Variants in RNGTT observed in about 807,000 individuals in gnomAD.
RNGTT encodes the protein RNA guanylyltransferase and 5'-phosphatase.
RNGTT carries 33 observed loss-of-function variants against 79.3 expected under a neutral mutation model. The ratio of observed to expected loss-of-function variants is 0.42; its 90% confidence interval spans 0.32 to 0.56. The LOEUF (loss-of-function observed/expected upper bound fraction) is 0.56. RNGTT is among the 20% of genes least tolerant of loss of function. The pLI, the probability that RNGTT is intolerant of heterozygous loss-of-function variation, is 0.17. For missense variants in RNGTT, 497 were observed against 739.1 expected (o/e 0.67, Z 3.80); for synonymous variants, 222 against 235.9 (o/e 0.94, Z 0.54).
chr6:88,783,982 T>C (rs1053460323), intron 12 of RNGTT, among the ~76,000 whole-genome samples: 6 of 151,994 alleles, frequency 3.9e-5, no homozygotes, highest in Non-Finnish European at 7.4e-5. Flanking sequence ...AAGATAAAGA[T>C]AATGGGGGTT....
At chr6:88,691,638 C>T (rs1356027560) in intron 13 of RNGTT, among the ~76,000 whole-genome samples, 1 of 152,014 alleles carries the variant, frequency 6.6e-6, no homozygotes, top group African/African-American at 2.4e-5. Flanking sequence ...AGGATGCTGG[C>T]AATATTATTT....
At chr6:88,889,369 C>A (rs1011814107) in intron 8 of RNGTT, among the ~76,000 whole-genome samples, 2 of 152,044 alleles carry the variant, frequency 1.3e-5, no homozygotes, top group African/African-American at 4.8e-5. Flanking sequence ...ATTATAGTCA[C>A]CTAATAATGA....
chr6:88,958,806 C>A (rs1299866651), intron 1 of RNGTT, among the ~76,000 whole-genome samples: 1 of 152,114 alleles, frequency 6.6e-6, no homozygotes, highest in Non-Finnish European at 1.5e-5. Context: ...TATGGTGATT[C>A]CTTGAAGAAC....
At chr6:88,731,126 A>C (rs1255401550) in intron 13 of RNGTT, among the ~76,000 whole-genome samples, 1 of 152,180 alleles carries the variant, frequency 6.6e-6, no homozygotes, top group Non-Finnish European at 1.5e-5. Flanking sequence ...CTATTTAAGA[A>C]AAAGTTCTTA....
intron 14 of RNGTT, among the ~76,000 whole-genome samples, chr6:88,644,406 C>T (rs1157607618): frequency 3.3e-5 from 5 of 151,946 alleles, no homozygotes; most frequent in Non-Finnish European, 5.9e-5. Context: ...GATTCACAGC[C>T]GAATTCTACC....
intron 13 of RNGTT, among the ~76,000 whole-genome samples, chr6:88,691,787 A>G (rs1360948129): frequency 6.6e-6 from 1 of 152,194 alleles, no homozygotes; most frequent in African/African-American, 2.4e-5. Context: ...CAAAAAGCAC[A>G]AAGAAAAAAC....
intron 14 of RNGTT, among the ~76,000 whole-genome samples, chr6:88,616,971 A>G (rs746710995): frequency 6.6e-6 from 1 of 152,158 alleles, no homozygotes; most frequent in Non-Finnish European, 1.5e-5. Flanking sequence ...GCCTAATCCA[A>G]TGTCCTAAAG....
intron 14 of RNGTT, among the ~76,000 whole-genome samples, chr6:88,627,556 A>G (rs1284152760): frequency 6.6e-6 from 1 of 152,122 alleles, no homozygotes; most frequent in Non-Finnish European, 1.5e-5. Context: ...CTCTGGATAG[A>G]TCTAATGTGG....
rs185006680 is a variant in RNGTT at position 88,842,546 on chromosome 6, T to C, written c.1269+1811A>G. 3.5e-4 allele frequency among the ~76,000 whole-genome samples: 53 copies of C among 152,132 alleles called. 1 individual carries two copies. Among genetic ancestry groups the C allele is most frequent in the Non-Finnish European group, 6.2e-4 (42 of 67,996 alleles). ...TATGTTCATGTGAGAACACAGGGCA[T>C]GAAGAAGAGACAGTGAATAGAAGAA... is the stretch of plus-strand genomic sequence containing the variant. On this transcript the variant is annotated intron_variant, in intron 11 of 15. Coordinates refer to ENST00000369485, the MANE Select transcript of RNGTT (RefSeq NM_003800.5).
intron 8 of RNGTT, among the ~76,000 whole-genome samples, chr6:88,879,417 T>C (rs1582575204): frequency 6.6e-6 from 1 of 152,002 alleles, no homozygotes; most frequent in East Asian, 1.9e-4. Context: ...AAATAAATAC[T>C]GTTACAGCAG....
intron 12 of RNGTT, among the ~76,000 whole-genome samples, chr6:88,789,161 T>TGTAA (rs1779321964): frequency 6.6e-6 from 1 of 152,234 alleles, no homozygotes; most frequent in Non-Finnish European, 1.5e-5. Context: ...GACTTACACC[T>TGTAA]GTAATCCCAG....
At chr6:88,955,370 G>A (rs1785392371) in intron 1 of RNGTT, among the ~76,000 whole-genome samples, 1 of 151,884 alleles carries the variant, frequency 6.6e-6, no homozygotes, top group African/African-American at 2.4e-5. Flanking sequence ...CCAACATGGT[G>A]AAATCCTGTC....
chr6:88,614,915 A>G (rs1772163022), intron 14 of RNGTT, among the ~76,000 whole-genome samples: 1 of 152,248 alleles, frequency 6.6e-6, no homozygotes, highest in African/African-American at 2.4e-5. Context: ...CCAAGCAGTG[A>G]CAATTAACCA....
intron 13 of RNGTT, among the ~76,000 whole-genome samples, chr6:88,745,762 TAA>T (rs566622111): frequency 2.1e-5 from 3 of 144,606 alleles, no homozygotes. Flanking sequence ...TGTGTCGTAT[TAA>T]AAAAAAAAAG....
At chr6:88,660,512 CT>C (rs1230811504) in intron 14 of RNGTT, among the ~76,000 whole-genome samples, 5 of 138,996 alleles carry the variant, frequency 3.6e-5, no homozygotes, top group African/African-American at 1.3e-4. Flanking sequence ...AGTGGCTATT[CT>C]TATATTAGAC....
intron 10 of RNGTT, among the ~76,000 whole-genome samples, chr6:88,847,415 T>C (rs1478431059): frequency 6.6e-6 from 1 of 152,154 alleles, no homozygotes; most frequent in Non-Finnish European, 1.5e-5. Flanking sequence ...ACTAAGGGAC[T>C]GAAAAGATTT....
chr6:88,789,849 C>T (rs1260809385), intron 12 of RNGTT, among the ~76,000 whole-genome samples: 1 of 152,178 alleles, frequency 6.6e-6, no homozygotes, highest in East Asian at 1.9e-4. Flanking sequence ...ACTTGTTCTC[C>T]ACTTTATATA....
chr6:88,835,692 G>T (rs771112585), intron 11 of RNGTT, among the ~76,000 whole-genome samples: 10 of 152,072 alleles, frequency 6.6e-5, no homozygotes, highest in Non-Finnish European at 1.2e-4. Flanking sequence ...AATATTGTCT[G>T]TCTAGCAGAT....
intron 14 of RNGTT, among the ~76,000 whole-genome samples, chr6:88,657,210 G>T (rs997766597): frequency 6.9e-6 from 1 of 145,412 alleles, no homozygotes; most frequent in Admixed American, 6.7e-5. Context: ...CCCAAAGTAT[G>T]ACAGGGGAAA....
Sources: allele counts gnomAD v4.1 joint callset (sites outside exome capture counted in the v4.1 genomes callset), GRCh38; gene constraint gnomAD v4.1.1; transcripts MANE v1.5; gene names NCBI Gene and HGNC (gene_info 2026-07-23, HGNC 2026-07-21).